The following ARMC8 variants were observed in gnomAD, a reference collection of about 807,000 sequenced individuals.
ARMC8 encodes the protein armadillo repeat-containing protein 8.
ARMC8 carries 20 observed loss-of-function variants against 99.3 expected under a neutral mutation model. That is an observed-to-expected ratio of 0.20 (90% confidence interval 0.14 to 0.29). ARMC8 has a LOEUF of 0.29. Among genes scored for constraint, ARMC8 ranks in the 10% least tolerant of loss-of-function variants. The pLI is 1.00. For missense variants in ARMC8, 569 were observed against 809.5 expected (o/e 0.70, Z 3.60); for synonymous variants, 263 against 278.3 (o/e 0.95, Z 0.55).
At chr3:138,187,991 T>A in intron 1 of ARMC8, 1 of 268,130 alleles carries the variant, frequency 3.7e-6, no homozygotes, top group Non-Finnish European at 7.2e-6. Flanking sequence ...GCAGCCGGCC[T>A]GAGAACGAGC....
At chr3:138,274,295 T>C (rs1282985523) in intron 17 of ARMC8, among the ~76,000 whole-genome samples, 154 bp from the exon 18 acceptor site, 3 of 152,186 alleles carry the variant, frequency 2.0e-5, no homozygotes, top group South Asian at 2.1e-4. Flanking sequence ...AGCTTCAAAA[T>C]ATAATAAACA....
At chr3:138,281,566 C>T (rs560424028) in intron 18 of ARMC8, among the ~76,000 whole-genome samples, 6 of 152,170 alleles carry the variant, frequency 3.9e-5, no homozygotes, top group Non-Finnish European at 8.8e-5. Context: ...GCTGGGGTTA[C>T]AGGTGTGAGC....
rs369478354 is a variant in ARMC8, at chr3:138,266,010, T to C, written c.1300-1145T>C. Among the ~76,000 whole-genome samples the C allele has an allele frequency of 5.2e-4, 79 of 152,338 alleles. No homozygotes were observed. In the South Asian group the frequency reaches 0.015, roughly 29 times the overall value. ...TGTCAGGGGGACACCAAGAGTTTTC[T>C]ATTTTCTAGTCTAAACAAGTGTCAC... On this transcript the variant is annotated intron_variant, in intron 14 of 21. Coordinates refer to ENST00000469044, the MANE Select transcript of ARMC8 (RefSeq NM_001363941.2).
At chr3:138,243,997 TAGTC>T (rs1375653328) in intron 11 of ARMC8, among the ~76,000 whole-genome samples, 6 of 152,232 alleles carry the variant, frequency 3.9e-5, no homozygotes, top group South Asian at 4.1e-4. Flanking sequence ...TACTTGGTCA[TAGTC>T]AGTCATTGAA....
At chr3:138,230,850 T>C (rs1197343203) in intron 6 of ARMC8, among the ~76,000 whole-genome samples, 1 of 152,212 alleles carries the variant, frequency 6.6e-6, no homozygotes. Flanking sequence ...GGATTACTCA[T>C]CAGAAACTCT....
At chr3:138,253,066 A>T (rs1375290439) in intron 12 of ARMC8, among the ~76,000 whole-genome samples, 1 of 152,174 alleles carries the variant, frequency 6.6e-6, no homozygotes, top group Non-Finnish European at 1.5e-5. Flanking sequence ...TGTATTGGTT[A>T]GCAAGGTTCT....
chr3:138,208,973 T>C (rs951727498), intron 1 of ARMC8, among the ~76,000 whole-genome samples: 1 of 152,326 alleles, frequency 6.6e-6, no homozygotes, highest in African/African-American at 2.4e-5. Flanking sequence ...TAATTCTTAA[T>C]TGTTTTCCTT....
intron 12 of ARMC8, among the ~76,000 whole-genome samples, chr3:138,259,710 G>A (rs1436338975): frequency 6.6e-6 from 1 of 152,182 alleles, no homozygotes; most frequent in Non-Finnish European, 1.5e-5. Context: ...ATAGTTTTAT[G>A]TCCTGACTTG....
intron 1 of ARMC8, among the ~76,000 whole-genome samples, chr3:138,203,404 A>T (rs1453893522): frequency 6.6e-6 from 1 of 152,220 alleles, no homozygotes; most frequent in Non-Finnish European, 1.5e-5. Context: ...ATGTGGTTGC[A>T]GTGAGGGTGT....
rs958361684 is a variant in ARMC8 at position 138,263,502 on chromosome 3, A to G, written c.1135-237A>G. On this transcript the variant is annotated intron_variant, in intron 12 of 21. Transcript: ENST00000469044. ...ATTTTTGTGTTAAATGTCTTTAAAA[A>G]TAAACAACATAACCTGCCCCTTACG... 1.1e-5 allele frequency: 6 copies of G among 532,884 alleles called. No individual in the cohort carries two copies. In the African/African-American group the frequency reaches 1.1e-4, roughly 10 times the overall value. 33.0% of individuals were successfully genotyped at this position (532,884 alleles called of 1,614,324 possible). A position where few individuals can be genotyped will look rare whatever the true frequency, so the allele number is the denominator to read the frequency against.
chr3:138,188,556 T>A, intron 1 of ARMC8: 8 of 1,614,072 alleles, frequency 5.0e-6, no homozygotes, highest in Non-Finnish European at 6.8e-6. Context: ...GTTCATTTGC[T>A]ATTGTTGGAA....
At chr3:138,203,825 G>T (rs905937520) in intron 1 of ARMC8, among the ~76,000 whole-genome samples, 3 of 152,136 alleles carry the variant, frequency 2.0e-5, no homozygotes, top group Admixed American at 6.5e-5. Flanking sequence ...TTGTTTTCCT[G>T]AATAAATTTA....
chr3:138,234,496 G>A (rs1184660116), intron 6 of ARMC8, among the ~76,000 whole-genome samples: 3 of 152,266 alleles, frequency 2.0e-5, no homozygotes, highest in Non-Finnish European at 4.4e-5. Context: ...GGAGTGTTGT[G>A]TTTCCCACTA....
chr3:138,261,240 A>G (rs2047712109), intron 12 of ARMC8, among the ~76,000 whole-genome samples: 1 of 152,230 alleles, frequency 6.6e-6, no homozygotes, highest in Non-Finnish European at 1.5e-5. Context: ...GAATGAATAT[A>G]AGGTATAGTG....
chr3:138,227,557 G>A (rs1356810891), intron 5 of ARMC8, among the ~76,000 whole-genome samples: 1 of 152,202 alleles, frequency 6.6e-6, no homozygotes. Context: ...TAACAAACGG[G>A]GAAGAGATTC....
At chr3:138,220,780 C>G (rs1019614649) in intron 2 of ARMC8, among the ~76,000 whole-genome samples, 11 of 151,284 alleles carry the variant, frequency 7.3e-5, no homozygotes, top group Non-Finnish European at 1.6e-4. Context: ...ACCTCCACCT[C>G]CCCAGCTGAA....
intron 3 of ARMC8, among the ~76,000 whole-genome samples, 171 bp from the exon 4 acceptor site, chr3:138,223,218 T>G (rs1444254512): frequency 6.6e-6 from 1 of 152,238 alleles, no homozygotes; most frequent in Non-Finnish European, 1.5e-5. Flanking sequence ...CTTCTAGATT[T>G]TTTTTCCAGA....
At position 138,296,075 on chromosome 3, in the gene ARMC8, A is replaced by G; in HGVS notation, c.*183A>G. The G allele has an allele frequency of 1.9e-6, 1 of 524,716 alleles. No individual in the cohort carries two copies. The highest frequency in any genetic ancestry group is 3.3e-6 in the Non-Finnish European group (1 of 305,410). 32.5% of individuals were successfully genotyped at this position (524,716 alleles called of 1,614,324 possible). A position where few individuals can be genotyped will look rare whatever the true frequency, so the allele number is the denominator to read the frequency against. On this transcript the variant is annotated 3_prime_UTR_variant, in exon 22 of 22. Coordinates refer to ENST00000469044, the MANE Select transcript of ARMC8 (RefSeq NM_001363941.2). Reference sequence around the variant, plus strand: ...TTGAGAACATTTTTTTGAGGTAGTAATTTCCTCAGAAGACTCTTGTGTTTT... The same window carrying G: ...TTGAGAACATTTTTTTGAGGTAGTAGTTTCCTCAGAAGACTCTTGTGTTTT...
chr3:138,290,739 C>A, intron 21 of ARMC8, 100 bp downstream of exon 21: 1 of 752,272 alleles, frequency 1.3e-6, no homozygotes, highest in Non-Finnish European at 2.2e-6. Context: ...TTTTTAAAAT[C>A]TTTTAGATTC....
Sources: gnomAD v4.1 joint callset for allele counts (sites outside exome capture counted in the v4.1 genomes callset) on GRCh38, gnomAD v4.1.1 for gene constraint, MANE v1.5 for transcripts, NCBI Gene and HGNC (gene_info 2026-07-23, HGNC 2026-07-21) for gene names.